Variants in PTPRN2 observed in about 807,000 individuals in gnomAD.
PTPRN2 encodes the protein protein tyrosine phosphatase receptor type N2.
In PTPRN2, 74 loss-of-function variants were observed where a neutral mutation model predicts 118.8. That is an observed-to-expected ratio of 0.62 (90% CI 0.52 to 0.76). The LOEUF (loss-of-function observed/expected upper bound fraction) is 0.76, where lower values mean the gene tolerates loss of function less well. PTPRN2 is among the 30% of genes least tolerant of loss of function. The pLI, the probability that PTPRN2 is intolerant of heterozygous loss-of-function variation, is 0.00. For missense variants in PTPRN2, 1,481 were observed against 1,394.4 expected (o/e 1.06, Z -0.99); for synonymous variants, 641 against 608.0 (o/e 1.05, Z -0.80).
chr7:157,688,827 TCTCCC>T (rs1247299500), intron 12 of PTPRN2, among the ~76,000 whole-genome samples: 4 of 152,120 alleles, frequency 2.6e-5, no homozygotes, highest in African/African-American at 9.7e-5. Flanking sequence ...GCCTGGGCTT[TCTCCC>T]CCGCTTCCCC....
chr7:158,233,437 A>G (rs984921008), intron 3 of PTPRN2, among the ~76,000 whole-genome samples: 1 of 152,232 alleles, frequency 6.6e-6, no homozygotes, highest in East Asian at 1.9e-4. Flanking sequence ...AACTGGAAAG[A>G]TATTCCATGC....
rs183037145 is a variant in PTPRN2 at position 158,313,113 on chromosome 7, T to C, written c.277+3706A>G. ...GCATGTGTATGAGTGTGCAAGTGTG[T>C]GTGCAAATGTGTCTGTGTCTACACG... On this transcript the variant is annotated intron_variant, in intron 3 of 22. Coordinates refer to ENST00000389418, the MANE Select transcript of PTPRN2 (RefSeq NM_002847.5). Among the ~76,000 whole-genome samples the C allele has an allele frequency of 3.9e-5, 6 of 152,176 alleles. No homozygotes were observed. In the East Asian group the frequency reaches 1.2e-3, roughly 30 times the overall value.
At chr7:157,595,606 C>CGGAGGTTAGGAAGCCA (rs1563245659) in intron 16 of PTPRN2, among the ~76,000 whole-genome samples, 6 of 115,018 alleles carry the variant, frequency 5.2e-5, no homozygotes, top group African/African-American at 7.7e-5. Context: ...TTAGGAAGCC[C>CGGAGGTTAGGAAGCCA]GGAGGTTAGG....
At chr7:157,606,476 G>T (rs1324901889) in intron 15 of PTPRN2, among the ~76,000 whole-genome samples, 1 of 152,244 alleles carries the variant, frequency 6.6e-6, no homozygotes, top group Non-Finnish European at 1.5e-5. Flanking sequence ...CTGAAATCTG[G>T]AAGCAACAAC....
At chr7:157,669,696 T>C (rs1394042726) in intron 13 of PTPRN2, 2 of 367,538 alleles carry the variant, frequency 5.4e-6, no homozygotes, top group African/African-American at 2.1e-5. Flanking sequence ...ACATGTTTCA[T>C]GTAAGTGAAA....
At chr7:157,775,352 T>A (rs1426249265) in intron 12 of PTPRN2, among the ~76,000 whole-genome samples, 1 of 152,228 alleles carries the variant, frequency 6.6e-6, no homozygotes, top group Non-Finnish European at 1.5e-5. Flanking sequence ...CACCTCACCC[T>A]GCTGGGTCTG....
At chr7:158,475,577 T>TGACACCCACACCCCAGCC in intron 2 of PTPRN2, among the ~76,000 whole-genome samples, 1 of 152,036 alleles carries the variant, frequency 6.6e-6, no homozygotes, top group Non-Finnish European at 1.5e-5. Context: ...CACCCCCAGC[T>TGACACCCACACCCCAGCC]GACACCCACA....
At chr7:157,695,894 G>T (rs1797744642) in intron 12 of PTPRN2, among the ~76,000 whole-genome samples, 1 of 151,928 alleles carries the variant, frequency 6.6e-6, no homozygotes. Context: ...CATGCATACT[G>T]GGTCTTGGCA....
intron 12 of PTPRN2, among the ~76,000 whole-genome samples, chr7:157,686,187 C>G (rs770479529): frequency 6.6e-6 from 1 of 152,194 alleles, no homozygotes; most frequent in Non-Finnish European, 1.5e-5. Context: ...GGGAAACCCG[C>G]TTCCTACCCG....
At chr7:157,562,973 C>T (rs1313422999) in intron 21 of PTPRN2, among the ~76,000 whole-genome samples, 1 of 135,998 alleles carries the variant, frequency 7.4e-6, no homozygotes, top group Non-Finnish European at 1.6e-5. Context: ...CACGTGCTCC[C>T]GCTTCACCAC....
intron 3 of PTPRN2, among the ~76,000 whole-genome samples, chr7:158,277,606 C>A (rs112133299): frequency 2.6e-5 from 4 of 152,346 alleles, no homozygotes; most frequent in African/African-American, 9.6e-5. Flanking sequence ...AAGGCACTGT[C>A]AGGGCCTTGC....
intron 1 of PTPRN2, among the ~76,000 whole-genome samples, chr7:158,557,891 C>A (rs775488635): frequency 2.5e-4 from 38 of 152,154 alleles, no homozygotes; most frequent in Non-Finnish European, 5.0e-4. Context: ...GCATTCCCAG[C>A]AGCACTATTG....
rs530818796 is a variant in PTPRN2 at position 157,990,117 on chromosome 7, C to T, written c.1723+91181G>A. On this transcript the variant is annotated intron_variant, in intron 11 of 22. Coordinates refer to ENST00000389418, the MANE Select transcript of PTPRN2 (RefSeq NM_002847.5). The surrounding 1 kb of genome is among the most constrained non-coding windows in gnomAD (Gnocchi z 4.3). The stretch of plus-strand genomic sequence containing the variant: ...AAGTTGCTCTTCTGCGCTCCAAATA[C>T]ACCGAGACGAAAACAAGCCCAGGTG... Among the ~76,000 whole-genome samples, 1 of 152,270 alleles carries T rather than the reference C, an allele frequency of 6.6e-6. No individual in the cohort carries two copies. Among genetic ancestry groups the T allele is most frequent in the South Asian group, 2.1e-4 (1 of 4,818 alleles).
At chr7:157,791,816 C>T (rs1158862975) in intron 12 of PTPRN2, among the ~76,000 whole-genome samples, 2 of 152,250 alleles carry the variant, frequency 1.3e-5, no homozygotes, top group African/African-American at 4.8e-5. Flanking sequence ...TCCTGAGGAC[C>T]TGGAGGGTAT....
rs1025865212 is a variant in PTPRN2 at position 158,563,604 on chromosome 7, C to T, written c.112+23954G>A. Among the ~76,000 whole-genome samples, 1 of 152,212 alleles carries T rather than the reference C, an allele frequency of 6.6e-6. No homozygotes were observed. Among genetic ancestry groups the T allele is most frequent in the Non-Finnish European group, 1.5e-5 (1 of 68,030 alleles). On this transcript the variant is annotated intron_variant, in intron 1 of 22. Coordinates refer to ENST00000389418, the MANE Select transcript of PTPRN2 (RefSeq NM_002847.5). This position sits in a 1 kb window ranked among gnomAD's most constrained non-coding sequence, Gnocchi z 5.1. ...CCGATGGGAGTGTTGGATGAAGAAT[C>T]CTGCAGCTCTCGCCGGGGACATCTG...
chr7:158,378,265 G>A (rs1307627128), intron 2 of PTPRN2, among the ~76,000 whole-genome samples: 1 of 152,174 alleles, frequency 6.6e-6, no homozygotes, highest in Non-Finnish European at 1.5e-5. Context: ...TGTCCCCTCA[G>A]CTCTTGACAT....
chr7:157,945,866 G>A (rs1003466014), intron 11 of PTPRN2, among the ~76,000 whole-genome samples: 3 of 152,052 alleles, frequency 2.0e-5, no homozygotes, highest in East Asian at 1.9e-4. Context: ...CCCATCAGAC[G>A]ACGGGTCACC....
chr7:157,605,405 G>A (rs998907173), intron 15 of PTPRN2, among the ~76,000 whole-genome samples: 14 of 152,222 alleles, frequency 9.2e-5, no homozygotes, highest in Admixed American at 3.3e-4. Flanking sequence ...GCCTAGCTCC[G>A]GGAGCTCCCA....
intron 1 of PTPRN2, among the ~76,000 whole-genome samples, chr7:158,514,162 C>T (rs1185907670): frequency 6.6e-6 from 1 of 152,130 alleles, no homozygotes; most frequent in African/African-American, 2.4e-5. Flanking sequence ...TTCAGGGGGC[C>T]CTAATCTTTC....
Sources: allele counts gnomAD v4.1 joint callset (sites outside exome capture counted in the v4.1 genomes callset), GRCh38; gene constraint gnomAD v4.1.1; non-coding constraint Gnocchi (gnomAD v3.1); transcripts MANE v1.5; gene names NCBI Gene and HGNC (gene_info 2026-07-23, HGNC 2026-07-21).